Variants in ADAM22 observed in about 807,000 individuals in gnomAD.
ADAM22 encodes the protein ADAM metallopeptidase domain 22, also known as disintegrin and metalloproteinase domain-containing protein 22.
ADAM22 carries 65 observed loss-of-function variants against 144.6 expected under a neutral mutation model. The ratio of observed to expected loss-of-function variants is 0.45; its 90% CI spans 0.37 to 0.55. The LOEUF is 0.55. Among genes scored for constraint, ADAM22 ranks in the 20% least tolerant of loss-of-function variants. The probability of loss-of-function intolerance (pLI) is 0.00; values close to 1 mark genes in which losing one functional copy is unlikely to be tolerated. For synonymous variants in ADAM22, 391 were observed against 412.6 expected, an observed-to-expected ratio of 0.95 and a Z score of 0.63; for missense variants, 974 against 1,184.9, an observed-to-expected ratio of 0.82 and a Z score of 2.61.
At chr7:88,142,382 T>C (rs1834954171) in intron 14 of ADAM22, among the ~76,000 whole-genome samples, 2 of 152,326 alleles carry the variant, frequency 1.3e-5, no homozygotes, top group Admixed American at 6.5e-5. Context: ...GGTCAGTTAT[T>C]TTGTGGAATG....
intron 4 of ADAM22, among the ~76,000 whole-genome samples, chr7:88,101,285 G>T (rs1822851597): frequency 6.6e-6 from 1 of 152,066 alleles, no homozygotes; most frequent in Non-Finnish European, 1.5e-5. Context: ...TGACTGGCAT[G>T]AGCTTCCCAA....
chr7:88,152,750 C>T (rs1226458064), intron 20 of ADAM22, among the ~76,000 whole-genome samples: 1 of 152,056 alleles, frequency 6.6e-6, no homozygotes, highest in Non-Finnish European at 1.5e-5. Flanking sequence ...GTGATCTCAG[C>T]TCACTGCACC....
rs1252872184 is a variant in ADAM22, at chr7:88,145,166, T to C, written c.1362T>C (p.Thr454=). 6.2e-7 allele frequency: 1 copy of C among 1,613,828 alleles called. No individual in the cohort carries two copies. Among genetic ancestry groups the C allele is most frequent in the Non-Finnish European group, 8.5e-7 (1 of 1,179,842 alleles). The part of the protein sequence containing the change: ...PPECGNGFIE[T]GEECDCGTPA... ...AGTGTGGCAATGGCTTCATTGAAAC[T>C]GGAGAGGAGTGTGATTGTGGAACCC... Residue 454 remains threonine (T), a synonymous_variant, in exon 16 of 32, where the codon ACT becomes ACC. Transcript: ENST00000413139.
chr7:87,972,654 A>G (rs917280515), intron 2 of ADAM22, among the ~76,000 whole-genome samples: 7 of 152,102 alleles, frequency 4.6e-5, no homozygotes, highest in South Asian at 2.1e-4. Flanking sequence ...GAACAAAGCC[A>G]GAGGCATCAC....
chr7:88,033,447 C>T (rs1353129989), intron 3 of ADAM22, among the ~76,000 whole-genome samples: 1 of 152,264 alleles, frequency 6.6e-6, no homozygotes, highest in Non-Finnish European at 1.5e-5. Context: ...CGGGGTGACA[C>T]AATCACCCAT....
intron 6 of ADAM22, 56 bp downstream of exon 6, chr7:88,114,703 T>A: frequency 6.6e-7 from 1 of 1,517,738 alleles, no homozygotes; most frequent in South Asian, 1.2e-5. Flanking sequence ...TGAGAGCTTT[T>A]TTCCTCTCCT....
chr7:88,078,434 G>C, intron 4 of ADAM22, among the ~76,000 whole-genome samples: 1 of 152,234 alleles, frequency 6.6e-6, no homozygotes, highest in East Asian at 1.9e-4. Flanking sequence ...CTAAAAATCA[G>C]AGTGCCTCTC....
intron 7 of ADAM22, among the ~76,000 whole-genome samples, chr7:88,120,097 G>A (rs1828881430): frequency 6.6e-6 from 1 of 152,036 alleles, no homozygotes. Flanking sequence ...TGGAGAATTT[G>A]TATTTCCAGT....
intron 22 of ADAM22, among the ~76,000 whole-genome samples, chr7:88,162,630 T>G (rs993963031): frequency 6.6e-6 from 1 of 152,108 alleles, no homozygotes; most frequent in African/African-American, 2.4e-5. Context: ...TGAATAGTGA[T>G]ATACAATAGT....
chr7:88,097,708 A>G (rs1344275071), intron 4 of ADAM22, among the ~76,000 whole-genome samples: 1 of 151,682 alleles, frequency 6.6e-6, no homozygotes, highest in African/African-American at 2.4e-5. Context: ...ATGCACAAAT[A>G]TGTTTTCTCT....
At chr7:87,962,455 A>G (rs1161253660) in intron 2 of ADAM22, among the ~76,000 whole-genome samples, 1 of 152,176 alleles carries the variant, frequency 6.6e-6, no homozygotes, top group Non-Finnish European at 1.5e-5. Flanking sequence ...ATGCACCTCA[A>G]TGAGAGAGGG....
rs192802841 is a variant in ADAM22 at position 88,089,149 on chromosome 7, A to G, written c.390+13457A>G. On this transcript the variant is annotated intron_variant, in intron 4 of 31. Coordinates refer to ENST00000413139, the MANE Select transcript of ADAM22 (RefSeq NM_001324418.2). ...ACAGAAAAGATGAACACAGGGGTTA[A>G]TTTGCTTTTGCTTACCCTGGATATA... Among the ~76,000 whole-genome samples the G allele has an allele frequency of 2.9e-3, 436 of 152,208 alleles. 2 individuals carry two copies. Among genetic ancestry groups the G allele is most frequent in the African/African-American group, 9.9e-3 (413 of 41,550 alleles).
intron 3 of ADAM22, among the ~76,000 whole-genome samples, chr7:87,979,525 G>A (rs1170522245): frequency 3.3e-5 from 5 of 152,050 alleles, no homozygotes; most frequent in Admixed American, 6.6e-5. Flanking sequence ...GAATTCTTAT[G>A]ACATTGCCAT....
intron 7 of ADAM22, among the ~76,000 whole-genome samples, chr7:88,123,078 GT>G (rs1829677324): frequency 6.6e-6 from 1 of 152,102 alleles, no homozygotes; most frequent in African/African-American, 2.4e-5. Flanking sequence ...ATAAATTGAT[GT>G]TTTGAATATG....
At chr7:88,091,345 A>G (rs1819792027) in intron 4 of ADAM22, among the ~76,000 whole-genome samples, 1 of 152,140 alleles carries the variant, frequency 6.6e-6, no homozygotes, top group South Asian at 2.1e-4. Flanking sequence ...GTTTTACATC[A>G]TTGTCAAAGT....
At chr7:88,075,541 G>A in intron 3 of ADAM22, 85 bp from the exon 4 acceptor site, 1 of 1,153,860 alleles carries the variant, frequency 8.7e-7, no homozygotes, top group Non-Finnish European at 1.3e-6. Context: ...AATTGTTAAA[G>A]CAGATATGTG....
rs1000605278 is a variant in ADAM22, at chr7:88,186,694, T to C, written c.2743T>C (p.Tyr915His). 1 of 1,586,282 alleles carries C rather than the reference T, an allele frequency of 6.3e-7. No individual in the cohort carries two copies. The highest frequency in any genetic ancestry group is 8.7e-7 in the Non-Finnish European group (1 of 1,155,138). Reference protein sequence around the residue: ...EDVNKNTEGPYFRTLSPAKSP... With the variant: ...EDVNKNTEGPHFRTLSPAKSP... ...TGTGAATAAAAACACTGAAGGACCA[T>C]ACTTTAGGTATTTTATAAATTAATT... Residue 915 changes from tyrosine (Y) to histidine (H), a missense_variant, in exon 30 of 32, where the codon TAC (tyrosine) becomes CAC (histidine). This residue lies in a region of ADAM22 where 734 missense variants were observed against 950.6 expected (regional missense o/e 0.77). Transcript: ENST00000413139.
intron 3 of ADAM22, among the ~76,000 whole-genome samples, chr7:88,023,733 T>C (rs1798343806): frequency 6.6e-6 from 1 of 152,166 alleles, no homozygotes; most frequent in Admixed American, 6.5e-5. Context: ...ACAATTAAAT[T>C]GTTATTGACT....
chr7:87,939,308 A>G (rs949789183), intron 2 of ADAM22, among the ~76,000 whole-genome samples: 1 of 152,200 alleles, frequency 6.6e-6, no homozygotes, highest in Non-Finnish European at 1.5e-5. Context: ...TGTTAATTGC[A>G]AATAGTAAAG....
Sources: gnomAD v4.1 joint callset for allele counts (sites outside exome capture counted in the v4.1 genomes callset) on GRCh38, gnomAD v4.1.1 for gene constraint, gnomAD v4.1.1 regional missense constraint, MANE v1.5 for transcripts, NCBI Gene and HGNC (gene_info 2026-07-23, HGNC 2026-07-21) for gene names.